The following ZNF384 variants were observed in gnomAD, a reference collection of about 807,000 sequenced individuals.
ZNF384 encodes zinc finger protein 384.
A neutral mutation model predicts 65.0 loss-of-function variants in ZNF384; 20 were observed. That is an observed-to-expected ratio of 0.31 (90% CI 0.22 to 0.45). The LOEUF is 0.45. ZNF384 is among the 20% of genes least tolerant of loss of function. The pLI is 1.00. For synonymous variants in ZNF384, 310 were observed against 303.9 expected (o/e 1.02, Z -0.21); for missense variants, 549 against 769.4 (o/e 0.71, Z 3.39).
chr12:6,668,229 T>C, intron 11 of ZNF384, 114 bp from the exon 12 acceptor site: 1 of 1,132,520 alleles, frequency 8.8e-7, no homozygotes, highest in South Asian at 1.6e-5. Flanking sequence ...TTATACTGGT[T>C]TTCTGGAGCC....
chr12:6,680,647 CAAAA>C lies in ZNF384; in HGVS notation c.-5-1126_-5-1123del, dbSNP rs566727946. ...GCGGAACAAGAGCAAAATTCCGTCT[CAAAA>C]AAAAAAAAAAAATCAGAATCAAAAC... is the stretch of plus-strand genomic sequence containing the variant. On this transcript the variant is annotated intron_variant, in intron 2 of 11. Transcript: ENST00000683879. 6.1e-4 allele frequency among the ~76,000 whole-genome samples: 63 copies of C among 103,350 alleles called. No individual in the cohort carries two copies. In the South Asian group the frequency reaches 0.019, roughly 30 times the overall value. The allele number at this position is 103,350 out of a possible 152,430, so 67.8% of individuals were successfully genotyped here.
Position 6,672,557 on chromosome 12 carries a change from G to C in ZNF384, c.1005-25C>G, listed in dbSNP as rs556541400. On this transcript the variant is annotated intron_variant, in intron 8 of 11. Transcript: ENST00000683879. This position sits in a 1 kb window ranked among gnomAD's most constrained non-coding sequence, Gnocchi z 4.4. ...CCTGCCGGAGAGGAGAGGAGGGAAGGGGGGAGGAGGAAGCAGTTCGACACC... is the reference window on the plus strand; with the variant it reads ...CCTGCCGGAGAGGAGAGGAGGGAAGCGGGGAGGAGGAAGCAGTTCGACACC... The C allele has an allele frequency of 2.4e-5, 39 of 1,610,022 alleles. No individual in the cohort carries two copies. The East Asian group carries it at 3.6e-4, about 15-fold the overall frequency.
chr12:6,682,432 A>G (rs1295137882), intron 2 of ZNF384, among the ~76,000 whole-genome samples: 1 of 152,122 alleles, frequency 6.6e-6, no homozygotes, highest in Non-Finnish European at 1.5e-5. Flanking sequence ...GCTGAGGTGG[A>G]CAGATTGCTT....
chr12:6,670,718 T>C (rs80001022), intron 10 of ZNF384, 42 bp downstream of exon 10: 1 of 1,565,428 alleles, frequency 6.4e-7, no homozygotes, highest in Non-Finnish European at 8.8e-7. Context: ...AATGGCCCCA[T>C]GTCTCAGACT....
At chr12:6,681,211 C>CAA (rs199629450) in intron 2 of ZNF384, among the ~76,000 whole-genome samples, 17 of 65,334 alleles carry the variant, frequency 2.6e-4, no homozygotes, top group Non-Finnish European at 3.2e-4. Context: ...AACGCCATCT[C>CAA]AAAAAAAAAA....
Position 6,666,869 on chromosome 12 carries a change from G to C in ZNF384, c.*845C>G. ...TCCGGCATCTGACTGTGGCACCTAG[G>C]GAGCTAAGTCCAGTCCTTGCGTTTG... On this transcript the variant is annotated 3_prime_UTR_variant, in exon 12 of 12. Coordinates refer to ENST00000683879, the MANE Select transcript of ZNF384 (RefSeq NM_001385745.1). 1 of 185,686 alleles carries C rather than the reference G, an allele frequency of 5.4e-6. No homozygotes were observed. Among genetic ancestry groups the C allele is most frequent in the East Asian group, 8.6e-5 (1 of 11,604 alleles). 11.5% of individuals were successfully genotyped at this position (185,686 alleles called of 1,614,324 possible).
In ZNF384 at chr12:6,678,103, C is replaced by G. The variant is rs757842606; in HGVS notation, c.686+24G>C. On this transcript the variant is annotated intron_variant, in intron 6 of 11. Coordinates refer to ENST00000683879, the MANE Select transcript of ZNF384 (RefSeq NM_001385745.1). The surrounding 1 kb of genome is among the most constrained non-coding windows in gnomAD (Gnocchi z 4.9). ...ACCAAGCCAGGGATCCTCGCCCCAT[C>G]CTGCCCCTGGCTCTGAGTCTTACCT... 7 of 1,592,690 alleles carry G rather than the reference C, an allele frequency of 4.4e-6. No homozygotes were observed. In the South Asian group the frequency reaches 7.9e-5, roughly 18 times the overall value.
At position 6,673,884 on chromosome 12, in the gene ZNF384, C is replaced by A. The variant is rs905012703; in HGVS notation, c.780-444G>T. 3.9e-5 allele frequency among the ~76,000 whole-genome samples: 6 copies of A among 152,122 alleles called. No homozygotes were observed. Among genetic ancestry groups the A allele is most frequent in the Non-Finnish European group, 8.8e-5 (6 of 68,018 alleles). Reference sequence around the variant, plus strand: ...GATAATGAGGAACAACTAACTGGATCCTCTCCTGTCTCCATAGATAATTTT... The same window carrying A: ...GATAATGAGGAACAACTAACTGGATACTCTCCTGTCTCCATAGATAATTTT... On this transcript the variant is annotated intron_variant, in intron 7 of 11. Coordinates refer to ENST00000683879, the MANE Select transcript of ZNF384 (RefSeq NM_001385745.1). The surrounding 1 kb of genome is among the most constrained non-coding windows in gnomAD (Gnocchi z 4.7).
intron 2 of ZNF384, among the ~76,000 whole-genome samples, 183 bp downstream of exon 2, chr12:6,687,984 A>G (rs1958564674): frequency 6.6e-6 from 1 of 152,196 alleles, no homozygotes; most frequent in African/African-American, 2.4e-5. Context: ...CTTTTTACAC[A>G]AAAACTTCCT....
chr12:6,668,978 G>A, intron 11 of ZNF384, 53 bp downstream of exon 11: 2 of 1,541,210 alleles, frequency 1.3e-6, no homozygotes, highest in Non-Finnish European at 1.8e-6. Context: ...GGGGTGAAGT[G>A]GACTGTACTC....
At position 6,668,024 on chromosome 12, in the gene ZNF384, T is replaced by C. The variant is rs745562506; in HGVS notation, c.1517A>G (p.Gln506Arg). Residue 506 changes from glutamine to arginine, a missense_variant, in exon 12 of 12, where the codon CAG (glutamine) becomes CGG (arginine). Physicochemically the swap from Gln to Arg is conservative, Grantham distance 43 (BLOSUM62 1). Around this residue, in one of 5 missense-constraint regions of ZNF384, gnomAD observed 136 missense variants for 183.0 expected, o/e 0.74. Transcript: ENST00000683879. ...CTGGGCTTGAGCTTGAGCCTGGGCC[T>C]GGGCCACTGCTGCCGCTGCTGCTGC... Reference protein sequence around the residue: ...QAAAAAAAVAQAQAQAQAQAQ... With the variant: ...QAAAAAAAVARAQAQAQAQAQ... The C allele has an allele frequency of 8.1e-6, 13 of 1,613,458 alleles. No individual in the cohort carries two copies. The highest frequency in any genetic ancestry group is 1.1e-5 in the Non-Finnish European group (13 of 1,179,780).
chr12:6,687,653 C>T (rs1958435140), intron 2 of ZNF384, among the ~76,000 whole-genome samples: 3 of 151,276 alleles, frequency 2.0e-5, no homozygotes, highest in Admixed American at 6.6e-5. Flanking sequence ...TTTTTTTTTC[C>T]CCTGAAAATT....
At position 6,684,408 on chromosome 12, in the gene ZNF384, C is replaced by T. The variant is rs543641177; in HGVS notation, c.-6+3759G>A. Among the ~76,000 whole-genome samples the T allele has an allele frequency of 3.1e-4, 47 of 152,300 alleles. 1 individual carries two copies. Among genetic ancestry groups the T allele is most frequent in the African/African-American group, 1.1e-3 (46 of 41,560 alleles). ...TTTTCAAAATTGAAGTTTTTGATAA[C>T]AGCAAAATGACATGCAGTTCAAGGT... On this transcript the variant is annotated intron_variant, in intron 2 of 11. Coordinates refer to ENST00000683879, the MANE Select transcript of ZNF384 (RefSeq NM_001385745.1).
At position 6,666,943 on chromosome 12, in the gene ZNF384, A is replaced by T. The variant is rs535252600; in HGVS notation, c.*771T>A. 6 of 208,622 alleles carry T rather than the reference A, an allele frequency of 2.9e-5. No homozygotes were observed. The highest frequency in any genetic ancestry group is 1.4e-4 in the African/African-American group (6 of 43,962). 12.9% of individuals were successfully genotyped at this position (208,622 alleles called of 1,614,324 possible). Reference sequence around the variant, plus strand: ...ACACCCCTGTTTTGGAGTTTCACAGATAACACAAAGCCTCCCACAGCTCCT... The same window carrying T: ...ACACCCCTGTTTTGGAGTTTCACAGTTAACACAAAGCCTCCCACAGCTCCT... On this transcript the variant is annotated 3_prime_UTR_variant, in exon 12 of 12. Transcript: ENST00000683879.
intron 9 of ZNF384, 63 bp from the exon 10 acceptor site, chr12:6,670,901 C>A (rs762263838): frequency 2.6e-4 from 386 of 1,478,662 alleles, no homozygotes; most frequent in Admixed American, 3.4e-4. Flanking sequence ...ACTGGCTCAA[C>A]AAATCTTCTC....
At chr12:6,680,512 G>A (rs1955516169) in intron 2 of ZNF384, among the ~76,000 whole-genome samples, 1 of 152,100 alleles carries the variant, frequency 6.6e-6, no homozygotes, top group African/African-American at 2.4e-5. Context: ...GCTGGGCGTG[G>A]TGGCACATGC....
chr12:6,676,835 T>C (rs1292582655), intron 7 of ZNF384, among the ~76,000 whole-genome samples: 1 of 152,164 alleles, frequency 6.6e-6, no homozygotes, highest in Non-Finnish European at 1.5e-5. Flanking sequence ...ACTTTTATTG[T>C]ATAAAGTGGG....
intron 2 of ZNF384, among the ~76,000 whole-genome samples, chr12:6,684,929 G>A (rs1957357088): frequency 6.6e-6 from 1 of 152,100 alleles, no homozygotes; most frequent in African/African-American, 2.4e-5. Flanking sequence ...TTTCGTGGAG[G>A]AAATTTCTCC....
Position 6,667,959 on chromosome 12 carries a change from AGGCCTGGGCCTG to A in ZNF384, c.1570_1581del (p.Gln524_Ala527del), listed in dbSNP as rs760494773. ...TGCTGCTGCTGCTGTGATGCCTGGG[AGGCCTGGGCCTG>A]GGCCTGGGCTTGAGCCTGAGCCTGA... On this transcript the variant is annotated inframe_deletion, in exon 12 of 12. Coordinates refer to ENST00000683879, the MANE Select transcript of ZNF384 (RefSeq NM_001385745.1). 3.7e-6 allele frequency: 6 copies of A among 1,611,992 alleles called. No homozygotes were observed. The highest frequency in any genetic ancestry group is 2.2e-5 in the East Asian group (1 of 44,846).
Sources: allele counts gnomAD v4.1 joint callset (sites outside exome capture counted in the v4.1 genomes callset), GRCh38; gene constraint gnomAD v4.1.1; regional missense constraint gnomAD v4.1.1; non-coding constraint Gnocchi (gnomAD v3.1); transcripts MANE v1.5; gene names NCBI Gene and HGNC (gene_info 2026-07-23, HGNC 2026-07-21).